The following DDHD1 variants were observed in gnomAD, a reference collection of about 807,000 sequenced individuals.
The protein encoded by DDHD1 is phospholipase DDHD1.
DDHD1 carries 49 observed loss-of-function variants against 96.4 expected under a neutral mutation model. The ratio of observed to expected loss-of-function variants is 0.51; its 90% CI spans 0.40 to 0.64. The LOEUF is 0.64. Among genes scored for constraint, DDHD1 ranks in the 30% least tolerant of loss-of-function variants. DDHD1 has a pLI of 0.00. For missense variants in DDHD1, 1,106 were observed against 1,161.2 expected, an observed-to-expected ratio of 0.95 and a Z score of 0.69; for synonymous variants, 442 against 446.5, an observed-to-expected ratio of 0.99 and a Z score of 0.13.
At position 53,072,655 on chromosome 14, in the gene DDHD1, A is replaced by G. The variant is rs755348810; in HGVS notation, c.1445T>C (p.Met482Thr). 6.2e-7 allele frequency: 1 copy of G among 1,610,958 alleles called. No individual in the cohort carries two copies. Among genetic ancestry groups the G allele is most frequent in the Admixed American group, 1.7e-5 (1 of 59,866 alleles). ...TPDKVRGLRD[M>T]LNSSAMDIMY... is the part of the protein sequence containing the mutation. ...TATGTCCATTGCACTGCTGTTCAGC[A>G]TATCCCTTAAACCTCGTACTTTGTC... Residue 482 changes from methionine to threonine, a missense_variant, in exon 6 of 13, where the codon ATG becomes ACG. By Grantham distance (81) the Met-to-Thr change is moderately conservative (BLOSUM62 -1). Coordinates refer to ENST00000673822, the MANE Select transcript of DDHD1 (RefSeq NM_001160148.2).
intron 7 of DDHD1, among the ~76,000 whole-genome samples, chr14:53,062,164 C>A (rs928274947): frequency 3.3e-5 from 5 of 151,166 alleles, no homozygotes; most frequent in African/African-American, 1.2e-4. Context: ...TATTTCAAAC[C>A]TGTCAATTAT....
chr14:53,108,075 A>C (rs373018556), intron 1 of DDHD1, among the ~76,000 whole-genome samples: 9 of 151,802 alleles, frequency 5.9e-5, no homozygotes, highest in Non-Finnish European at 1.0e-4. Context: ...TTGCAACTGC[A>C]CTCTTTTCTG....
At chr14:53,101,082 G>T (rs1366429433) in intron 2 of DDHD1, among the ~76,000 whole-genome samples, 1 of 152,058 alleles carries the variant, frequency 6.6e-6, no homozygotes, top group Non-Finnish European at 1.5e-5. Context: ...GAATAGTCAA[G>T]GCTTTATACA....
chr14:53,087,983 C>T (rs1191688308), intron 4 of DDHD1, among the ~76,000 whole-genome samples: 2 of 152,114 alleles, frequency 1.3e-5, no homozygotes, highest in Non-Finnish European at 2.9e-5. Flanking sequence ...AAAAGATTAT[C>T]ACTACTGATC....
intron 4 of DDHD1, among the ~76,000 whole-genome samples, chr14:53,076,505 G>A (rs967008533): frequency 2.0e-5 from 3 of 152,176 alleles, no homozygotes; most frequent in African/African-American, 7.2e-5. Flanking sequence ...TGTGAATATT[G>A]TTGAAATGGC....
At chr14:53,067,668 G>C (rs374565914) in intron 6 of DDHD1, among the ~76,000 whole-genome samples, 1 of 152,086 alleles carries the variant, frequency 6.6e-6, no homozygotes, top group Non-Finnish European at 1.5e-5. Context: ...CGTTGGTTAG[G>C]CTGCTCTCAA....
chr14:53,083,245 A>T (rs1885648655), intron 4 of DDHD1, among the ~76,000 whole-genome samples: 1 of 152,126 alleles, frequency 6.6e-6, no homozygotes, highest in Non-Finnish European at 1.5e-5. Flanking sequence ...GGAGGGAATA[A>T]GATAAGCTCA....
chr14:53,057,410 A>C (rs1218531193), intron 9 of DDHD1, among the ~76,000 whole-genome samples: 1 of 152,204 alleles, frequency 6.6e-6, no homozygotes, highest in Non-Finnish European at 1.5e-5. Context: ...TTCCATTAAA[A>C]AAAATATTTA....
intron 2 of DDHD1, among the ~76,000 whole-genome samples, chr14:53,094,612 G>A (rs1454254394): frequency 1.3e-5 from 2 of 151,986 alleles, no homozygotes; most frequent in African/African-American, 2.4e-5. Context: ...GGCTGAGGCA[G>A]GAGGATCACT....
chr14:53,100,031 AACCAACCACAG>A (rs1887181401), intron 2 of DDHD1, among the ~76,000 whole-genome samples: 1 of 152,170 alleles, frequency 6.6e-6, no homozygotes, highest in Admixed American at 6.6e-5. Context: ...CTGCAGATTC[AACCAACCACAG>A]ACCAAAAATA....
At chr14:53,108,006 G>T (rs1294286932) in intron 1 of DDHD1, among the ~76,000 whole-genome samples, 1 of 152,220 alleles carries the variant, frequency 6.6e-6, no homozygotes, top group East Asian at 1.9e-4. Context: ...GCCAGCAACA[G>T]CTACCCTCTT....
At chr14:53,147,231 G>C (rs1260845565) in intron 1 of DDHD1, among the ~76,000 whole-genome samples, 1 of 152,086 alleles carries the variant, frequency 6.6e-6, no homozygotes, top group Non-Finnish European at 1.5e-5. Context: ...GTAGGTTCCA[G>C]ACATCAAAGT....
chr14:53,093,611 G>A (rs958736613), intron 2 of DDHD1, 167 bp from the exon 3 acceptor site: 6 of 763,494 alleles, frequency 7.9e-6, no homozygotes, highest in African/African-American at 1.8e-5. Flanking sequence ...TGTGAAGCAA[G>A]TAATGGATAG....
intron 1 of DDHD1, among the ~76,000 whole-genome samples, chr14:53,149,230 A>G (rs1218393816): frequency 1.3e-5 from 2 of 152,252 alleles, no homozygotes; most frequent in Admixed American, 6.5e-5. Context: ...GAATAGGTAT[A>G]GCTAACTTGT....
At chr14:53,072,433 G>A (rs1447222020) in intron 6 of DDHD1, among the ~76,000 whole-genome samples, 164 bp downstream of exon 6, 1 of 151,938 alleles carries the variant, frequency 6.6e-6, no homozygotes, top group Non-Finnish European at 1.5e-5. Context: ...GGGTCACAAT[G>A]TCTAGTTTGA....
At chr14:53,120,027 C>A (rs1888862812) in intron 1 of DDHD1, among the ~76,000 whole-genome samples, 1 of 152,146 alleles carries the variant, frequency 6.6e-6, no homozygotes, top group Admixed American at 6.5e-5. Flanking sequence ...CTGCAAATGA[C>A]ATGATTGTAT....
Position 53,051,908 on chromosome 14 carries a change from C to T in DDHD1, c.2457G>A (p.Ser819=), listed in dbSNP as rs1167992187. The T allele has an allele frequency of 6.3e-6, 10 of 1,592,136 alleles. No homozygotes were observed. Among genetic ancestry groups the T allele is most frequent in the Middle Eastern group, 1.7e-4 (1 of 6,028 alleles). Residue 819 remains serine (S), a synonymous_variant, in exon 12 of 13, where the codon TCG becomes TCA. Transcript: ENST00000673822. ...LDSAYFRLQE[S]FFNLPQLLFP... ...AAAGAAGTTGTGGGAGATTAAAGAACGATTCTTGAAGTCTGAAATCTGTGA... is the reference window on the plus strand; with the variant it reads ...AAAGAAGTTGTGGGAGATTAAAGAATGATTCTTGAAGTCTGAAATCTGTGA...
chr14:53,142,858 G>A (rs1359410857), intron 1 of DDHD1, among the ~76,000 whole-genome samples: 1 of 152,194 alleles, frequency 6.6e-6, no homozygotes, highest in Non-Finnish European at 1.5e-5. Flanking sequence ...CTAGGGCTGT[G>A]CCCATTTGAG....
At chr14:53,058,085 G>A (rs1230246508) in intron 9 of DDHD1, among the ~76,000 whole-genome samples, 1 of 152,150 alleles carries the variant, frequency 6.6e-6, no homozygotes, top group East Asian at 1.9e-4. Context: ...CAGTCTGCCT[G>A]CCTTGGCCTC....
Sources: allele counts gnomAD v4.1 joint callset (sites outside exome capture counted in the v4.1 genomes callset), GRCh38; gene constraint gnomAD v4.1.1; transcripts MANE v1.5; gene names NCBI Gene and HGNC (gene_info 2026-07-23, HGNC 2026-07-21).